Variants in CNTN6 observed in about 807,000 individuals in gnomAD.
CNTN6 encodes contactin-6.
Under a neutral mutation model 122.8 loss-of-function variants are expected in CNTN6, and 137 were observed. The observed-to-expected ratio is 1.12, with a 90% CI of 0.97 to 1.29. The LOEUF (loss-of-function observed/expected upper bound fraction) is 1.29. Among genes scored for constraint, CNTN6 ranks in the 50% most tolerant of loss-of-function variants. The pLI is 0.00. For missense variants in CNTN6, 1,634 were observed against 1,223.4 expected, an observed-to-expected ratio of 1.34 and a Z score of -5.01; for synonymous variants, 570 against 426.0, an observed-to-expected ratio of 1.34 and a Z score of -4.16.
chr3:1,108,103 T>G (rs1203793807), intron 1 of CNTN6, among the ~76,000 whole-genome samples: 1 of 152,100 alleles, frequency 6.6e-6, no homozygotes, highest in African/African-American at 2.4e-5. Context: ...ATAAAAAAAT[T>G]TAATCCATTT....
intron 1 of CNTN6, among the ~76,000 whole-genome samples, chr3:1,142,968 G>GTGTGTATATATATATA (rs1217250181): frequency 1.6e-5 from 2 of 128,654 alleles, no homozygotes; most frequent in African/African-American, 6.2e-5. Context: ...GTGTGTGTGT[G>GTGTGTATATATATATA]TATATATATA....
At chr3:1,272,781 C>G (rs569096415) in intron 4 of CNTN6, among the ~76,000 whole-genome samples, 17 of 152,304 alleles carry the variant, frequency 1.1e-4, no homozygotes, top group Non-Finnish European at 1.8e-4. Context: ...TTGTGATCCT[C>G]AGGCCTTGGC....
At chr3:1,384,591 C>CACAAAATGGGTAACATAATTTAT (rs2126187230) in intron 19 of CNTN6, among the ~76,000 whole-genome samples, 1 of 151,350 alleles carries the variant, frequency 6.6e-6, no homozygotes, top group Admixed American at 6.6e-5. Context: ...TTCAGTGATT[C>CACAAAATGGGTAACATAATTTAT]ACAAAATGGG....
In CNTN6 at chr3:1,168,613, G is replaced by A. The variant is rs545578087; in HGVS notation, c.55+20550G>A. On this transcript the variant is annotated intron_variant, in intron 2 of 22. Coordinates refer to ENST00000446702, the MANE Select transcript of CNTN6 (RefSeq NM_001289080.2). The stretch of plus-strand genomic sequence containing the variant: ...GTTGAATGTTGAGGGGCTCTGGGTG[G>A]GAAATATTTTAACCTCATTTTACAG... Among the ~76,000 whole-genome samples the A allele has an allele frequency of 1.2e-4, 18 of 151,760 alleles. No homozygotes were observed. In the South Asian group the frequency reaches 3.8e-3, roughly 32 times the overall value.
chr3:1,333,125 G>A (rs573988156), intron 11 of CNTN6, among the ~76,000 whole-genome samples: 11 of 151,914 alleles, frequency 7.2e-5, no homozygotes, highest in Non-Finnish European at 1.5e-5. Flanking sequence ...CTAGGAATTG[G>A]CATCAGATTT....
Position 1,227,838 on chromosome 3 carries a change from A to G in CNTN6, c.203A>G (p.Asp68Gly). 1 of 1,613,878 alleles carries G rather than the reference A, an allele frequency of 6.2e-7. No individual in the cohort carries two copies. The highest frequency in any genetic ancestry group is 2.2e-5 in the East Asian group (1 of 44,862). The change falls in exon 4 of 23, where the codon GAC becomes GGC. Residue 68 changes from aspartate (D) to glycine (G), a missense_variant. Transcript: ENST00000446702. ...PHYRWKQNGT[D>G]IDFTMSYHYR... ...TGAAGGTGGAAGCAAAATGGCACAG[A>G]CATTGATTTTACTATGAGTTATCAC...
chr3:1,100,540 T>C (rs2090831184), intron 1 of CNTN6, among the ~76,000 whole-genome samples: 1 of 152,130 alleles, frequency 6.6e-6, no homozygotes, highest in Non-Finnish European at 1.5e-5. Flanking sequence ...TAAATCTTTC[T>C]TCCATTCTGA....
chr3:1,168,136 G>C (rs2093293106), intron 2 of CNTN6, among the ~76,000 whole-genome samples: 1 of 151,878 alleles, frequency 6.6e-6, no homozygotes, highest in Non-Finnish European at 1.5e-5. Flanking sequence ...TCGATCTCCT[G>C]ACCTCAGGTG....
At chr3:1,138,254 A>T (rs534049979) in intron 1 of CNTN6, among the ~76,000 whole-genome samples, 1 of 152,316 alleles carries the variant, frequency 6.6e-6, no homozygotes, top group South Asian at 2.1e-4. Flanking sequence ...GCTTTTATTA[A>T]TGCAACCTAA....
chr3:1,282,546 C>T (rs1458979031), intron 5 of CNTN6, among the ~76,000 whole-genome samples: 1 of 152,162 alleles, frequency 6.6e-6, no homozygotes, highest in Non-Finnish European at 1.5e-5. Flanking sequence ...AATCTCTGTC[C>T]TTAGGACTAG....
At chr3:1,112,454 A>C (rs1406551047) in intron 1 of CNTN6, among the ~76,000 whole-genome samples, 1 of 152,024 alleles carries the variant, frequency 6.6e-6, no homozygotes, top group Non-Finnish European at 1.5e-5. Flanking sequence ...AAAGCCAAAA[A>C]CCTGAGAACC....
chr3:1,346,006 A>C (rs1704632957), intron 11 of CNTN6, among the ~76,000 whole-genome samples: 4 of 151,808 alleles, frequency 2.6e-5, no homozygotes, highest in Admixed American at 2.6e-4. Flanking sequence ...TAGTTTAAGA[A>C]ATTTAGCTAT....
In CNTN6 at chr3:1,383,176, G is replaced by GGTAA. The variant is rs775296114; in HGVS notation, c.2401+3_2401+6dup. 1.1e-4 allele frequency: 176 copies of GGTAA among 1,611,648 alleles called. No individual in the cohort carries two copies. The Admixed American group carries it at 1.2e-3, about 11-fold the overall frequency. On this transcript the variant is annotated frameshift_variant and splice_region_variant. Transcript: ENST00000446702. LOFTEE classifies it high-confidence loss of function. ...GACCATTGTCTACTCTGGGGAAGATGGTAAGTTGTCCTCAACTCTGGTTTT... is the reference window on the plus strand; with the variant it reads ...GACCATTGTCTACTCTGGGGAAGATGGTAAGTAAGTTGTCCTCAACTCTGGTTTT...
At chr3:1,250,544 C>G (rs949703954) in intron 4 of CNTN6, among the ~76,000 whole-genome samples, 1 of 152,160 alleles carries the variant, frequency 6.6e-6, no homozygotes, top group Non-Finnish European at 1.5e-5. Context: ...ATCACCATCT[C>G]TGCTTTTACG....
rs1222749008 is a variant in CNTN6 at position 1,382,949 on chromosome 3, C to T, written c.2174C>T (p.Pro725Leu). ...SELVITWESI[P>L]EELQNGEGFG... ...GATCACATTCTGCCCAAGTCAATTC[C>T]AGAAGAACTGCAGAATGGGGAGGGA... The change falls in exon 18 of 23, where the codon CCA (proline) becomes CTA (leucine). Residue 725 changes from proline (P) to leucine (L), a missense_variant. Physicochemically the swap from Pro to Leu is moderately conservative, Grantham distance 98. Transcript: ENST00000446702. The T allele has an allele frequency of 6.2e-7, 1 of 1,612,784 alleles. No homozygotes were observed. The highest frequency in any genetic ancestry group is 1.1e-5 in the South Asian group (1 of 91,026).
intron 4 of CNTN6, among the ~76,000 whole-genome samples, chr3:1,271,298 A>T (rs2095022730): frequency 6.6e-6 from 1 of 152,254 alleles, no homozygotes. Flanking sequence ...ATCTTGGCAG[A>T]TGAAAGCAGC....
chr3:1,359,292 A>G (rs1161612996), intron 12 of CNTN6, among the ~76,000 whole-genome samples: 1 of 152,136 alleles, frequency 6.6e-6, no homozygotes, highest in Non-Finnish European at 1.5e-5. Context: ...AATAGATGTC[A>G]GGCCCTGCTT....
At chr3:1,197,081 A>G (rs999798924) in intron 2 of CNTN6, among the ~76,000 whole-genome samples, 4 of 152,242 alleles carry the variant, frequency 2.6e-5, no homozygotes, top group Non-Finnish European at 4.4e-5. Flanking sequence ...GAGACAAGAG[A>G]TAATTCCCAA....
In CNTN6 at chr3:1,300,603, A is replaced by AAGAG. The variant is rs142915269; in HGVS notation, c.761+2616_761+2619dup. Among the ~76,000 whole-genome samples, 18 of 117,318 alleles carry AAGAG rather than the reference A, an allele frequency of 1.5e-4. No homozygotes were observed. The East Asian group carries it at 1.8e-3, about 11-fold the overall frequency. 77.0% of individuals were successfully genotyped at this position (117,318 alleles called of 152,430 possible). ...AAAGAAAGAAAGAAAGAAAGAAAGA[A>AAGAG]AGAGAGAAAGAAAGGAAGAAAAGGA... On this transcript the variant is annotated intron_variant, in intron 7 of 22. Transcript: ENST00000446702.
Sources: allele counts gnomAD v4.1 joint callset (sites outside exome capture counted in the v4.1 genomes callset), GRCh38; gene constraint gnomAD v4.1.1; transcripts MANE v1.5; gene names NCBI Gene and HGNC (gene_info 2026-07-23, HGNC 2026-07-21).